The following ARHGEF12 variants were observed in gnomAD, a reference collection of about 807,000 sequenced individuals.
The protein encoded by ARHGEF12 is KMT2A/ARHGEF12 fusion protein.
In ARHGEF12, 66 loss-of-function variants were observed where a neutral mutation model predicts 211.2. The observed-to-expected ratio is 0.31, with a 90% CI of 0.26 to 0.38. ARHGEF12 has a LOEUF of 0.38. Among genes scored for constraint, ARHGEF12 ranks in the 10% least tolerant of loss-of-function variants. ARHGEF12 has a pLI of 1.00. For synonymous variants in ARHGEF12, 592 were observed against 638.4 expected (o/e 0.93, Z 1.09); for missense variants, 1,429 against 1,869.5 (o/e 0.76, Z 4.34).
Position 120,367,353 on chromosome 11 carries a change from C to CTTTTTTTTTTTTTTTTTTTTT in ARHGEF12, c.32+30088_32+30108dup, listed in dbSNP as rs1025919456. Among the ~76,000 whole-genome samples the CTTTTTTTTTTTTTTTTTTTTT allele has an allele frequency of 6.1e-4, 36 of 59,352 alleles. 6 individuals carry two copies. The highest frequency in any genetic ancestry group is 1.4e-3 in the African/African-American group (18 of 12,950). 38.9% of individuals were successfully genotyped at this position (59,352 alleles called of 152,430 possible). ...AAAAAATCTGTTAGGATACTTTTTC[C>CTTTTTTTTTTTTTTTTTTTTT]TTTTTTTTTTTTTTTTTTTTTTTTT... On this transcript the variant is annotated intron_variant, in intron 1 of 40. Coordinates refer to ENST00000397843, the MANE Select transcript of ARHGEF12 (RefSeq NM_015313.3).
intron 1 of ARHGEF12, among the ~76,000 whole-genome samples, chr11:120,405,396 A>G (rs190984233): frequency 6.6e-6 from 1 of 152,188 alleles, no homozygotes; most frequent in African/African-American, 2.4e-5. Flanking sequence ...TTCATTTAAA[A>G]GAGAGAGAAC....
At chr11:120,338,927 G>A (rs374916647) in intron 1 of ARHGEF12, among the ~76,000 whole-genome samples, 27 of 150,584 alleles carry the variant, frequency 1.8e-4, no homozygotes, top group African/African-American at 6.6e-4. Flanking sequence ...CTTGGAATTT[G>A]TATCCTCTTT....
chr11:120,399,879 T>C (rs996717043), intron 1 of ARHGEF12, among the ~76,000 whole-genome samples: 1 of 151,944 alleles, frequency 6.6e-6, no homozygotes, highest in Non-Finnish European at 1.5e-5. Context: ...TTTTAAATCA[T>C]AGAATGCTCT....
intron 29 of ARHGEF12, among the ~76,000 whole-genome samples, 170 bp from the exon 30 acceptor site, chr11:120,469,118 C>T (rs1946796178): frequency 1.3e-5 from 2 of 152,118 alleles, no homozygotes; most frequent in Admixed American, 1.3e-4. Flanking sequence ...TTTTACCTGT[C>T]CAAAGACTGC....
rs1251531988 is a variant in ARHGEF12 at position 120,487,887 on chromosome 11, C to G, written c.*2810C>G. 9.1e-6 allele frequency: 2 copies of G among 219,302 alleles called. No homozygotes were observed. The highest frequency in any genetic ancestry group is 2.2e-5 in the African/African-American group (1 of 44,534). 13.6% of individuals were successfully genotyped at this position (219,302 alleles called of 1,614,324 possible). ...AACATCATGATTACCACCTTCGAAG[C>G]TATATATTTTGCATACTTTAAAATC... On this transcript the variant is annotated 3_prime_UTR_variant, in exon 41 of 41. Transcript: ENST00000397843.
chr11:120,443,998 G>A (rs989679822), intron 15 of ARHGEF12, among the ~76,000 whole-genome samples: 6 of 152,036 alleles, frequency 3.9e-5, no homozygotes, highest in Admixed American at 1.3e-4. Flanking sequence ...TCCTAGAACC[G>A]GTACCCCATG....
chr11:120,366,422 T>G (rs1591506272), intron 1 of ARHGEF12, among the ~76,000 whole-genome samples: 1 of 152,180 alleles, frequency 6.6e-6, no homozygotes, highest in East Asian at 1.9e-4. Context: ...GCTCCCAAAG[T>G]GCTGGGGTTA....
At chr11:120,370,131 CTG>C (rs1183282317) in intron 1 of ARHGEF12, among the ~76,000 whole-genome samples, 2 of 152,036 alleles carry the variant, frequency 1.3e-5, no homozygotes, top group African/African-American at 4.8e-5. Flanking sequence ...CTAATTATAA[CTG>C]TTACTATTAA....
intron 31 of ARHGEF12, 38 bp from the exon 32 acceptor site, chr11:120,474,522 T>G: frequency 6.7e-7 from 1 of 1,486,694 alleles, no homozygotes; most frequent in Non-Finnish European, 9.3e-7. Context: ...ACTGAGTGCT[T>G]GGAAATTATT....
At chr11:120,442,959 T>G (rs1945926340) in intron 15 of ARHGEF12, among the ~76,000 whole-genome samples, 1 of 152,038 alleles carries the variant, frequency 6.6e-6, no homozygotes, top group Non-Finnish European at 1.5e-5. Flanking sequence ...AGATGTATCA[T>G]CTGCCCTCAT....
At chr11:120,457,040 CT>C (rs1946383637) in intron 22 of ARHGEF12, 77 bp from the exon 23 acceptor site, 7 of 1,438,146 alleles carry the variant, frequency 4.9e-6, no homozygotes, top group Middle Eastern at 1.8e-4. Context: ...TGAAGCTGTT[CT>C]GGGAACTAAT....
intron 30 of ARHGEF12, among the ~76,000 whole-genome samples, 161 bp from the exon 31 acceptor site, chr11:120,472,889 T>A (rs563723631): frequency 6.6e-6 from 1 of 152,004 alleles, no homozygotes; most frequent in Admixed American, 6.6e-5. Context: ...TCTCCTAACC[T>A]CGTGATCCAC....
chr11:120,414,703 G>A (rs550174415), intron 4 of ARHGEF12, among the ~76,000 whole-genome samples: 5 of 152,254 alleles, frequency 3.3e-5, no homozygotes, highest in East Asian at 1.9e-4. Flanking sequence ...ACAATGGGAC[G>A]GAAGAAGTAT....
At chr11:120,406,279 A>G in intron 2 of ARHGEF12, 138 bp downstream of exon 2, 1 of 540,170 alleles carries the variant, frequency 1.9e-6, no homozygotes. Flanking sequence ...ATGTTTTACA[A>G]ATTTAAAATG....
rs762797423 is a variant in ARHGEF12, at chr11:120,474,624, A to T, written c.3098A>T (p.Asp1033Val). The T allele has an allele frequency of 6.2e-7, 1 of 1,611,136 alleles. No homozygotes were observed. Among genetic ancestry groups the T allele is most frequent in the Non-Finnish European group, 8.5e-7 (1 of 1,178,986 alleles). ...EGPLVWKVNR[D>V]KTIDLYTLLL... is the part of the protein sequence containing the mutation. ...CCATTGGTTTGGAAGGTGAATAGAG[A>T]TAAAACTATTGGTAGGTCTGATATT... Residue 1033 changes from aspartate (D) to valine (V), a missense_variant, in exon 32 of 41, where the codon GAT becomes GTT. By Grantham distance (152) the Asp-to-Val change is radical. Around this residue, in one of 7 missense-constraint regions of ARHGEF12, gnomAD observed 223 missense variants for 444.6 expected, o/e 0.50. Coordinates refer to ENST00000397843, the MANE Select transcript of ARHGEF12 (RefSeq NM_015313.3).
chr11:120,349,270 C>A (rs934055211), intron 1 of ARHGEF12, among the ~76,000 whole-genome samples: 3 of 152,024 alleles, frequency 2.0e-5, no homozygotes, highest in African/African-American at 7.2e-5. Context: ...TTAAAAGGAA[C>A]CAGGTACAAT....
chr11:120,392,928 T>C (rs1023948275), intron 1 of ARHGEF12, among the ~76,000 whole-genome samples: 1 of 152,222 alleles, frequency 6.6e-6, no homozygotes, highest in African/African-American at 2.4e-5. Flanking sequence ...GGCCCATCAC[T>C]GTTGCTACAG....
intron 29 of ARHGEF12, among the ~76,000 whole-genome samples, chr11:120,467,961 G>T (rs1018400170): frequency 6.6e-6 from 1 of 152,064 alleles, no homozygotes; most frequent in African/African-American, 2.4e-5. Context: ...TAGTTTTATC[G>T]GTGCCCATTT....
chr11:120,477,903 A>G (rs998994073), intron 36 of ARHGEF12, among the ~76,000 whole-genome samples: 1 of 151,798 alleles, frequency 6.6e-6, no homozygotes, highest in African/African-American at 2.4e-5. Flanking sequence ...AAAATAAAAT[A>G]AAATGCAAAG....
Sources: gnomAD v4.1 joint callset for allele counts (sites outside exome capture counted in the v4.1 genomes callset) on GRCh38, gnomAD v4.1.1 for gene constraint, gnomAD v4.1.1 regional missense constraint, MANE v1.5 for transcripts, NCBI Gene and HGNC (gene_info 2026-07-23, HGNC 2026-07-21) for gene names.